IQGAP1: variants seen among roughly 807,000 people sequenced by gnomAD.
IQGAP1 encodes ras GTPase-activating-like protein IQGAP1.
In IQGAP1, 66 loss-of-function variants were observed where a neutral mutation model predicts 215.6. That is an observed-to-expected ratio of 0.31 (90% confidence interval 0.25 to 0.38). The LOEUF (loss-of-function observed/expected upper bound fraction) is 0.38. Ranked by LOEUF, IQGAP1 falls within the 10% of genes least tolerant of loss-of-function variation. The pLI is 1.00. For missense variants in IQGAP1, 1,712 were observed against 1,997.1 expected, an observed-to-expected ratio of 0.86 and a Z score of 2.72; for synonymous variants, 772 against 728.7, an observed-to-expected ratio of 1.06 and a Z score of -0.96.
Position 90,392,999 on chromosome 15 carries a change from C to T in IQGAP1, c.155+2126C>T, listed in dbSNP as rs191594768. Among the ~76,000 whole-genome samples the T allele has an allele frequency of 4.0e-4, 61 of 152,078 alleles. 1 individual carries two copies. The East Asian group carries it at 0.011, about 27-fold the overall frequency. On this transcript the variant is annotated intron_variant, in intron 2 of 37. Coordinates refer to ENST00000268182, the MANE Select transcript of IQGAP1 (RefSeq NM_003870.4). ...ACCTCAGGTGATCCGCCCGTCTCAG[C>T]CTCCCAAAGTGCTGGAATTACAAAC...
chr15:90,464,302 T>C (rs1454561204), intron 15 of IQGAP1, among the ~76,000 whole-genome samples: 1 of 152,190 alleles, frequency 6.6e-6, no homozygotes, highest in Non-Finnish European at 1.5e-5. Context: ...TCTGCTGAAT[T>C]GATGCTCTCT....
rs562823479 is a variant in IQGAP1, at chr15:90,444,293, T to A, written c.913+815T>A. On this transcript the variant is annotated intron_variant, in intron 9 of 37. Coordinates refer to ENST00000268182, the MANE Select transcript of IQGAP1 (RefSeq NM_003870.4). ...TGTGTGTGTGTGTATATATATATTT[T>A]TTTTTTTCTTTAAGAGACAGAGTTA... is the stretch of plus-strand genomic sequence containing the variant. 2.0e-3 allele frequency among the ~76,000 whole-genome samples: 290 copies of A among 143,096 alleles called. 1 individual carries two copies. The highest frequency in any genetic ancestry group is 7.4e-3 in the Middle Eastern group (2 of 272). The allele number at this position is 143,096 out of a possible 152,430, so 93.9% of individuals were successfully genotyped here.
intron 2 of IQGAP1, among the ~76,000 whole-genome samples, chr15:90,414,619 C>T (rs1020444657): frequency 7.2e-5 from 11 of 152,116 alleles, no homozygotes; most frequent in African/African-American, 1.2e-4. Context: ...TGATCACAGA[C>T]GCTATCTTTG....
intron 35 of IQGAP1, among the ~76,000 whole-genome samples, chr15:90,493,408 GA>G (rs1966232682): frequency 6.6e-6 from 1 of 152,142 alleles, no homozygotes; most frequent in Non-Finnish European, 1.5e-5. Context: ...GGGTGCTGAG[GA>G]AAGTCTGATC....
At chr15:90,390,400 C>G in intron 1 of IQGAP1, among the ~76,000 whole-genome samples, 1 of 152,204 alleles carries the variant, frequency 6.6e-6, no homozygotes, top group East Asian at 1.9e-4. Context: ...ATTACTGCCA[C>G]TTATGTCTCA....
chr15:90,474,792 TCTC>T (rs1567138380), intron 23 of IQGAP1, 99 bp downstream of exon 23: 1 of 884,362 alleles, frequency 1.1e-6, no homozygotes, highest in African/African-American at 1.7e-5. Context: ...AGGCTGACTT[TCTC>T]CTCAGCTACT....
At chr15:90,492,419 TAAAA>T (rs56724183) in intron 34 of IQGAP1, 122 bp from the exon 35 acceptor site, 5,220 of 369,454 alleles carry the variant, frequency 0.014, 114 homozygotes, top group African/African-American at 0.11. Context: ...ACAGAGTGTC[TAAAA>T]AAAAAAAAAA....
chr15:90,449,582 G>A lies in IQGAP1; in HGVS notation c.1101G>A (p.Gln367=). 1 of 1,613,086 alleles carries A rather than the reference G, an allele frequency of 6.2e-7. No homozygotes were observed. Among genetic ancestry groups the A allele is most frequent in the Non-Finnish European group, 8.5e-7 (1 of 1,179,584 alleles). The stretch of plus-strand genomic sequence containing the variant: ...AGAGTGGTCAGACTGACCCCCTGCA[G>A]AAGGAGGAGCTGCAGTCTGGAGTGG... ...KRQSGQTDPL[Q]KEELQSGVDA... The change falls in exon 11 of 38, where the codon CAG becomes CAA. Residue 367 remains glutamine, a synonymous_variant. Coordinates refer to ENST00000268182, the MANE Select transcript of IQGAP1 (RefSeq NM_003870.4).
chr15:90,453,696 T>C (rs1965640417), intron 13 of IQGAP1, among the ~76,000 whole-genome samples: 2 of 152,212 alleles, frequency 1.3e-5, no homozygotes, highest in Admixed American at 1.3e-4. Flanking sequence ...AATCTAGAAT[T>C]GTCCCTTTCT....
rs973342330 is a variant in IQGAP1 at position 90,419,069 on chromosome 15, C to T, written c.156-7041C>T. 1.1e-4 allele frequency among the ~76,000 whole-genome samples: 17 copies of T among 150,862 alleles called. No homozygotes were observed. In the South Asian group the frequency reaches 3.2e-3, roughly 28 times the overall value. On this transcript the variant is annotated intron_variant, in intron 2 of 37. Coordinates refer to ENST00000268182, the MANE Select transcript of IQGAP1 (RefSeq NM_003870.4). ...GGCTAGGTAGGAGGATCCAGAGGAT[C>T]GCTTGAACCCTGAAAGTCAAGGCTG... is the stretch of plus-strand genomic sequence containing the variant.
In IQGAP1 at chr15:90,422,921, T is replaced by C. The variant is rs550941595; in HGVS notation, c.156-3189T>C. ...GTGTTGCCAGGCTGGTCCTGAACTC[T>C]TGGGCTCAAGCAATCCTCCTGCCTT... is the stretch of plus-strand genomic sequence containing the variant. On this transcript the variant is annotated intron_variant, in intron 2 of 37. Coordinates refer to ENST00000268182, the MANE Select transcript of IQGAP1 (RefSeq NM_003870.4). Among the ~76,000 whole-genome samples the C allele has an allele frequency of 4.6e-5, 7 of 151,984 alleles. No homozygotes were observed. In the South Asian group the frequency reaches 8.3e-4, roughly 18 times the overall value.
chr15:90,479,015 T>A (rs1966018294), intron 26 of IQGAP1, among the ~76,000 whole-genome samples: 1 of 152,222 alleles, frequency 6.6e-6, no homozygotes, highest in Non-Finnish European at 1.5e-5. Context: ...GTTTTATTTG[T>A]CTTGGGTGAG....
At chr15:90,452,291 C>G (rs1965614306) in intron 11 of IQGAP1, among the ~76,000 whole-genome samples, 1 of 151,904 alleles carries the variant, frequency 6.6e-6, no homozygotes, top group Admixed American at 6.6e-5. Flanking sequence ...TAGTGCAGGA[C>G]AATGAGGGAA....
intron 33 of IQGAP1, among the ~76,000 whole-genome samples, chr15:90,489,019 G>T (rs919427894): frequency 3.9e-5 from 6 of 152,188 alleles, no homozygotes; most frequent in Admixed American, 3.9e-4. Context: ...AGCAGATGTA[G>T]TTGAGTCATA....
chr15:90,412,573 T>C (rs1284499063), intron 2 of IQGAP1, among the ~76,000 whole-genome samples: 1 of 152,222 alleles, frequency 6.6e-6, no homozygotes, highest in African/African-American at 2.4e-5. Flanking sequence ...TCATCCTGAT[T>C]CCCCTCTTTC....
At chr15:90,465,944 T>G in intron 15 of IQGAP1, 57 bp from the exon 16 acceptor site, 2 of 1,326,286 alleles carry the variant, frequency 1.5e-6, no homozygotes, top group South Asian at 1.2e-5. Flanking sequence ...TCTTCACATG[T>G]ATGTTACATG....
intron 4 of IQGAP1, 55 bp downstream of exon 4, chr15:90,429,721 C>A: frequency 9.2e-7 from 1 of 1,088,302 alleles, no homozygotes; most frequent in South Asian, 1.4e-5. Flanking sequence ...TGGCATAACC[C>A]TCAAACAACC....
At position 90,469,396 on chromosome 15, in the gene IQGAP1, A is replaced by T. The variant is rs1450285178; in HGVS notation, c.2178+1804A>T. ...ATAGTCCCTTTATTTAGGAGTTAAC[A>T]TCAGATGGGTGATTTCTACCTTGTG... On this transcript the variant is annotated intron_variant, in intron 18 of 37. Transcript: ENST00000268182. Among the ~76,000 whole-genome samples, 10 of 152,240 alleles carry T rather than the reference A, an allele frequency of 6.6e-5. No individual in the cohort carries two copies. In the South Asian group the frequency reaches 2.1e-3, roughly 31 times the overall value.
At chr15:90,433,648 T>C in intron 4 of IQGAP1, 71 bp from the exon 5 acceptor site, 4 of 931,298 alleles carry the variant, frequency 4.3e-6, no homozygotes, top group Admixed American at 2.1e-5. Flanking sequence ...ATTTGGATTA[T>C]TGATGATTGG....
Sources: allele counts gnomAD v4.1 joint callset (sites outside exome capture counted in the v4.1 genomes callset), GRCh38; gene constraint gnomAD v4.1.1; transcripts MANE v1.5; gene names NCBI Gene and HGNC (gene_info 2026-07-23, HGNC 2026-07-21).